The following TMX1 variants were observed in gnomAD, a reference collection of about 807,000 sequenced individuals.
TMX1 encodes the protein thioredoxin-related transmembrane protein 1.
A neutral mutation model predicts 36.6 loss-of-function variants in TMX1; 25 were observed. That is an observed-to-expected ratio of 0.68 (90% CI 0.50 to 0.95). The LOEUF (loss-of-function observed/expected upper bound fraction) is 0.95, where lower values mean the gene tolerates loss of function less well. Ranked by LOEUF, TMX1 falls within the 40% of genes least tolerant of loss-of-function variation. The pLI, the probability that TMX1 is intolerant of heterozygous loss-of-function variation, is 0.00. For missense variants in TMX1, 347 were observed against 339.6 expected, an observed-to-expected ratio of 1.02 and a Z score of -0.17; for synonymous variants, 133 against 118.0, an observed-to-expected ratio of 1.13 and a Z score of -0.82.
intron 1 of TMX1, 66 bp from the exon 2 acceptor site, chr14:51,243,790 T>A (rs112910366): frequency 2.5e-5 from 27 of 1,099,614 alleles, no homozygotes; most frequent in South Asian, 6.1e-5. Flanking sequence ...TTAAATTTTT[T>A]ATCCCAAGAT....
intron 1 of TMX1, 38 bp from the exon 2 acceptor site, chr14:51,243,818 T>G: frequency 6.7e-7 from 1 of 1,486,412 alleles, no homozygotes; most frequent in Non-Finnish European, 9.1e-7. Flanking sequence ...CATACTAAAG[T>G]GCTTAACTTT....
rs2065832909 is a variant in TMX1, at chr14:51,255,171, T to A, written c.*652T>A. On this transcript the variant is annotated 3_prime_UTR_variant, in exon 8 of 8. Coordinates refer to ENST00000457354, the MANE Select transcript of TMX1 (RefSeq NM_030755.5). Reference sequence around the variant, plus strand: ...TTGATTCCAACAAAGTTTGATTTTCTCTTGTATTTTTCTTACTTACTATGG... The same window carrying A: ...TTGATTCCAACAAAGTTTGATTTTCACTTGTATTTTTCTTACTTACTATGG... 2 of 152,104 alleles carry A rather than the reference T, an allele frequency of 1.3e-5. No homozygotes were observed. Among genetic ancestry groups the A allele is most frequent in the African/African-American group, 4.8e-5 (2 of 41,468 alleles). 9.4% of individuals were successfully genotyped at this position (152,104 alleles called of 1,614,324 possible).
Position 51,254,619 on chromosome 14 carries a change from A to G in TMX1, c.*100A>G, listed in dbSNP as rs1326682858. ...GAACTGTGACTTTTTTGAATATTGC[A>G]GGGTTCAGTCTAGATTGTCATTAAA... On this transcript the variant is annotated 3_prime_UTR_variant, in exon 8 of 8. Transcript: ENST00000457354. 1.9e-6 allele frequency: 2 copies of G among 1,066,534 alleles called. No individual in the cohort carries two copies. Among genetic ancestry groups the G allele is most frequent in the Admixed American group, 2.9e-5 (1 of 34,324 alleles). 66.1% of individuals were successfully genotyped at this position (1,066,534 alleles called of 1,614,324 possible).
intron 1 of TMX1, among the ~76,000 whole-genome samples, chr14:51,242,150 T>A (rs1051042992): frequency 6.6e-6 from 1 of 151,894 alleles, no homozygotes; most frequent in East Asian, 1.9e-4. Flanking sequence ...AGAACATTTA[T>A]ATGGAGGGTA....
At position 51,240,458 on chromosome 14, in the gene TMX1, G is replaced by C. The variant is rs1254060053; in HGVS notation, c.152+14G>C. On this transcript the variant is annotated intron_variant, in intron 1 of 7. Coordinates refer to ENST00000457354, the MANE Select transcript of TMX1 (RefSeq NM_030755.5). ...GATGATAGAATTGTGAGTGCGGGGC[G>C]GCCAGGGTCCTACGTCCGTGCCTGG... 3 of 1,612,118 alleles carry C rather than the reference G, an allele frequency of 1.9e-6. No homozygotes were observed. The highest frequency in any genetic ancestry group is 2.5e-6 in the Non-Finnish European group (3 of 1,179,198).
In TMX1 at chr14:51,249,677, A is replaced by G. The variant is rs79273888; in HGVS notation, c.592-16A>G. The G allele has an allele frequency of 9.8e-3, 15,701 of 1,609,502 alleles. 154 individuals carry two copies. Among genetic ancestry groups the G allele is most frequent in the African/African-American group, 0.052 (3,904 of 74,780 alleles). On this transcript the variant is annotated splice_polypyrimidine_tract_variant and intron_variant, in intron 6 of 7. Coordinates refer to ENST00000457354, the MANE Select transcript of TMX1 (RefSeq NM_030755.5). ...ATATTCTACATTCAGATTTCTTACAATGTTTATTTTTACAGTGTATGATAT... is the reference window on the plus strand; with the variant it reads ...ATATTCTACATTCAGATTTCTTACAGTGTTTATTTTTACAGTGTATGATAT...
chr14:51,244,039 C>A, intron 2 of TMX1, 68 bp downstream of exon 2: 1 of 1,269,256 alleles, frequency 7.9e-7, no homozygotes, highest in Non-Finnish European at 1.1e-6. Flanking sequence ...CTTTTTTCTA[C>A]ATTGCATAGT....
intron 3 of TMX1, 137 bp from the exon 4 acceptor site, chr14:51,246,955 T>G: frequency 1.5e-6 from 1 of 667,126 alleles, no homozygotes; most frequent in Non-Finnish European, 2.2e-6. Context: ...GTAAATAGTA[T>G]AATTTGCTAT....
intron 4 of TMX1, 97 bp downstream of exon 4, chr14:51,247,317 G>T: frequency 7.7e-7 from 1 of 1,292,798 alleles, no homozygotes; most frequent in Non-Finnish European, 1.0e-6. Context: ...TGTTTCTTGA[G>T]CTGTTAAGGT....
intron 7 of TMX1, among the ~76,000 whole-genome samples, chr14:51,252,630 T>C (rs900335073): frequency 2.0e-5 from 3 of 152,240 alleles, no homozygotes; most frequent in South Asian, 2.1e-4. Flanking sequence ...ACAACTGATA[T>C]TAATCCAGAC....
At chr14:51,249,917 G>T in intron 7 of TMX1, 152 bp downstream of exon 7, 1 of 589,388 alleles carries the variant, frequency 1.7e-6, no homozygotes, top group Non-Finnish European at 2.9e-6. Flanking sequence ...GGAAGGTAGA[G>T]GAGATGTATA....
chr14:51,252,750 CA>C (rs1359973193), intron 7 of TMX1, among the ~76,000 whole-genome samples: 3 of 152,166 alleles, frequency 2.0e-5, no homozygotes, highest in Non-Finnish European at 4.4e-5. Context: ...TAAGGAAACC[CA>C]ACTCAATCTA....
rs1329528920 is a variant in TMX1 at position 51,256,213 on chromosome 14, T to G, written c.*1694T>G. On this transcript the variant is annotated 3_prime_UTR_variant, in exon 8 of 8. Coordinates refer to ENST00000457354, the MANE Select transcript of TMX1 (RefSeq NM_030755.5). Reference sequence around the variant, plus strand: ...GATGTTTAAGGACAGTAATGCTCATTAATCAAGCATTTTTTTTTTTTAGTG... The same window carrying G: ...GATGTTTAAGGACAGTAATGCTCATGAATCAAGCATTTTTTTTTTTTAGTG... 6.6e-6 allele frequency: 1 copy of G among 152,240 alleles called. No homozygotes were observed. The highest frequency in any genetic ancestry group is 1.5e-5 in the Non-Finnish European group (1 of 67,970). The allele number at this position is 152,240 out of a possible 1,614,324, so 9.4% of individuals were successfully genotyped here. A position where few individuals can be genotyped will look rare whatever the true frequency, so the allele number is the denominator to read the frequency against.
chr14:51,240,716 G>A (rs1217075544), intron 1 of TMX1, among the ~76,000 whole-genome samples: 1 of 152,210 alleles, frequency 6.6e-6, no homozygotes, highest in Non-Finnish European at 1.5e-5. Flanking sequence ...GTGCCAATGC[G>A]AATTCTGACA....
At position 51,249,509 on chromosome 14, in the gene TMX1, G is replaced by T. The variant is rs757109670; in HGVS notation, c.531G>T (p.Val177=). The part of the protein sequence containing the change: ...NYFIEDLGLP[V]WGSYTVFALA... ...TTATTGAAGACCTTGGATTGCCAGT[G>T]TGGGGATCATATACTGTTTTTGCTT... Residue 177 remains valine (V), a synonymous_variant, in exon 6 of 8, where the codon GTG becomes GTT. Coordinates refer to ENST00000457354, the MANE Select transcript of TMX1 (RefSeq NM_030755.5). The T allele has an allele frequency of 2.5e-6, 4 of 1,613,682 alleles. No homozygotes were observed. The Admixed American group carries it at 6.7e-5, about 27-fold the overall frequency.
intron 4 of TMX1, among the ~76,000 whole-genome samples, chr14:51,247,516 G>A (rs7147951): frequency 0.018 from 2,794 of 151,630 alleles, 93 homozygotes; most frequent in African/African-American, 0.063. Flanking sequence ...ACCGCCACAC[G>A]TGGCTAATTT....
intron 1 of TMX1, among the ~76,000 whole-genome samples, 172 bp downstream of exon 1, chr14:51,240,616 C>T (rs570140731): frequency 6.6e-6 from 1 of 152,284 alleles, no homozygotes; most frequent in South Asian, 2.1e-4. Flanking sequence ...AGCTTGGTCC[C>T]ACCCCCTCGT....
At chr14:51,248,927 A>G (rs2065798696) in intron 4 of TMX1, among the ~76,000 whole-genome samples, 1 of 152,238 alleles carries the variant, frequency 6.6e-6, no homozygotes, top group South Asian at 2.1e-4. Flanking sequence ...AATTGTTTCC[A>G]GTCCTTACTT....
chr14:51,244,101 T>C (rs1347389391), intron 2 of TMX1, 130 bp downstream of exon 2: 32 of 687,390 alleles, frequency 4.7e-5, no homozygotes, highest in Non-Finnish European at 7.1e-5. Flanking sequence ...TGCAGCTAGT[T>C]AACCTGACTT....
Sources: allele counts gnomAD v4.1 joint callset (sites outside exome capture counted in the v4.1 genomes callset), GRCh38; gene constraint gnomAD v4.1.1; transcripts MANE v1.5; gene names NCBI Gene and HGNC (gene_info 2026-07-23, HGNC 2026-07-21).